Variants in DHX57 observed in about 807,000 individuals in gnomAD.
DHX57 encodes the protein putative ATP-dependent RNA helicase DHX57.
DHX57 carries 105 observed loss-of-function variants against 156.2 expected under a neutral mutation model. The ratio of observed to expected loss-of-function variants is 0.67; its 90% CI spans 0.57 to 0.79. DHX57 has a LOEUF of 0.79. Among genes scored for constraint, DHX57 ranks in the 30% least tolerant of loss-of-function variants. DHX57 has a pLI of 0.00. For missense variants in DHX57, 1,847 were observed against 1,661.9 expected, an observed-to-expected ratio of 1.11 and a Z score of -1.94; for synonymous variants, 704 against 595.6, an observed-to-expected ratio of 1.18 and a Z score of -2.65.
At position 38,825,945 on chromosome 2, in the gene DHX57, G is replaced by A; in HGVS notation, c.2916C>T (p.Val972=). The A allele has an allele frequency of 1.2e-6, 2 of 1,614,188 alleles. No individual in the cohort carries two copies. The highest frequency in any genetic ancestry group is 1.7e-6 in the Non-Finnish European group (2 of 1,180,034). ...GATGGCTAGTGAATAAATGGAAGCA[G>A]ACCCCAGATGCAACACGGCCTGCTC... The part of the protein sequence containing the change: ...KGRAGRVASG[V]CFHLFTSHHY... Residue 972 remains valine, a synonymous_variant, in exon 16 of 24, where the codon GTC becomes GTT. Transcript: ENST00000457308.
chr2:38,831,473 A>C (rs1228604351), intron 13 of DHX57, among the ~76,000 whole-genome samples: 1 of 151,690 alleles, frequency 6.6e-6, no homozygotes, highest in Non-Finnish European at 1.5e-5. Context: ...GGGATTACAA[A>C]ATTTAGGTAA....
At chr2:38,866,447 T>C (rs1189270300) in intron 2 of DHX57, among the ~76,000 whole-genome samples, 2 of 152,122 alleles carry the variant, frequency 1.3e-5, no homozygotes, top group Non-Finnish European at 2.9e-5. Context: ...CTTCACGTGA[T>C]ACCTTATTAG....
intron 23 of DHX57, among the ~76,000 whole-genome samples, chr2:38,802,256 T>C (rs1314433174): frequency 6.6e-6 from 1 of 151,260 alleles, no homozygotes; most frequent in African/African-American, 2.4e-5. Context: ...AGCCTCACTC[T>C]TTCTTAGTGT....
intron 12 of DHX57, among the ~76,000 whole-genome samples, chr2:38,841,428 C>G (rs867782972): frequency 1.6e-4 from 24 of 152,290 alleles, no homozygotes; most frequent in Middle Eastern, 3.4e-3. Flanking sequence ...ATTCTCTTAG[C>G]TTTACATCTC....
intron 13 of DHX57, among the ~76,000 whole-genome samples, chr2:38,836,131 T>C (rs1038742256): frequency 6.6e-6 from 1 of 152,240 alleles, no homozygotes; most frequent in Non-Finnish European, 1.5e-5. Context: ...GACCATTCTA[T>C]GATAGAGCAC....
At chr2:38,852,842 G>C (rs1008092020) in intron 9 of DHX57, among the ~76,000 whole-genome samples, 2 of 151,926 alleles carry the variant, frequency 1.3e-5, no homozygotes, top group African/African-American at 4.8e-5. Context: ...AAATCCACAT[G>C]CTTTATTATT....
intron 20 of DHX57, among the ~76,000 whole-genome samples, chr2:38,815,283 T>C (rs757724798): frequency 6.6e-6 from 1 of 151,932 alleles, no homozygotes; most frequent in African/African-American, 2.4e-5. Context: ...CTGGCTGGTC[T>C]CGAACTCCTG....
intron 17 of DHX57, among the ~76,000 whole-genome samples, chr2:38,822,757 T>C (rs953199572): frequency 6.6e-6 from 1 of 152,170 alleles, no homozygotes; most frequent in African/African-American, 2.4e-5. Context: ...TGGATCTCTT[T>C]GAGGATTGGA....
Position 38,825,996 on chromosome 2 carries a change from T to A in DHX57, c.2865A>T (p.Gln955His). 3.1e-6 allele frequency: 5 copies of A among 1,614,216 alleles called. No homozygotes were observed. The highest frequency in any genetic ancestry group is 4.2e-6 in the Non-Finnish European group (5 of 1,180,036). The change falls in exon 16 of 24, where the codon CAA (glutamine) becomes CAT (histidine). Residue 955 changes from glutamine to histidine, a missense_variant. By Grantham distance (24) the Gln-to-His change is conservative. Transcript: ENST00000457308. The stretch of plus-strand genomic sequence containing the variant: ...GGCCTTTCCTTTGTAGAGCATTAGC[T>A]TGAGATACAAAGGTGTCCTCTAGAC... ...MESLEDTFVS[Q>H]ANALQRKGRA... is the part of the protein sequence containing the mutation.
chr2:38,808,904 A>T (rs946126461), intron 21 of DHX57, among the ~76,000 whole-genome samples: 3 of 151,946 alleles, frequency 2.0e-5, no homozygotes, highest in African/African-American at 7.3e-5. Context: ...GATTGTAGGT[A>T]TAAGCCACCT....
rs1452235354 is a variant in DHX57 at position 38,811,286 on chromosome 2, A to G, written c.3681+2535T>C. The G allele has an allele frequency of 2.1e-5, 11 of 518,542 alleles. No individual in the cohort carries two copies. The East Asian group carries it at 4.7e-4, about 22-fold the overall frequency. 32.1% of individuals were successfully genotyped at this position (518,542 alleles called of 1,614,324 possible). A position where few individuals can be genotyped will look rare whatever the true frequency, so the allele number is the denominator to read the frequency against. ...CTGGGGGGCCAGCGAGTAGCAGGCG[A>G]GCTCAAACCAGACCTGATCGTTCCC... On this transcript the variant is annotated intron_variant, in intron 21 of 23. Coordinates refer to ENST00000457308, the MANE Select transcript of DHX57 (RefSeq NM_198963.3).
chr2:38,817,176 C>A (rs1251441499), intron 19 of DHX57, among the ~76,000 whole-genome samples: 1 of 152,120 alleles, frequency 6.6e-6, no homozygotes, highest in Non-Finnish European at 1.5e-5. Flanking sequence ...AAAGGTTCTG[C>A]CTGCCTTGGC....
chr2:38,806,428 T>C (rs912584264), intron 22 of DHX57, 131 bp downstream of exon 22: 26 of 1,017,724 alleles, frequency 2.6e-5, no homozygotes, highest in Non-Finnish European at 3.3e-5. Context: ...TTTATTCTTA[T>C]TCAATCTTCC....
chr2:38,819,012 C>A (rs759157967), intron 18 of DHX57, 37 bp downstream of exon 18: 3 of 1,613,970 alleles, frequency 1.9e-6, no homozygotes, highest in African/African-American at 2.7e-5. Context: ...AGTGCCAACA[C>A]TGGTAATAAA....
intron 14 of DHX57, among the ~76,000 whole-genome samples, chr2:38,827,199 T>C (rs909402033): frequency 6.6e-6 from 1 of 151,954 alleles, no homozygotes; most frequent in Non-Finnish European, 1.5e-5. Flanking sequence ...AATATTTACT[T>C]AGTTCTAGGA....
chr2:38,839,672 G>C (rs1671875424), intron 12 of DHX57, among the ~76,000 whole-genome samples: 2 of 150,894 alleles, frequency 1.3e-5, no homozygotes, highest in African/African-American at 4.9e-5. Context: ...GGTAAGCTGA[G>C]ATCGCGCTAC....
At chr2:38,807,502 C>T (rs375134780) in intron 21 of DHX57, among the ~76,000 whole-genome samples, 35 of 151,742 alleles carry the variant, frequency 2.3e-4, no homozygotes, top group Admixed American at 7.2e-4. Context: ...GGACTACAGG[C>T]GCCCGCCGCC....
chr2:38,811,105 G>A (rs1354279728), intron 21 of DHX57: 5 of 556,728 alleles, frequency 9.0e-6, no homozygotes, highest in African/African-American at 1.9e-5. Context: ...TTCCAGCCTC[G>A]TGGCTGATGT....
At chr2:38,819,010 C>T in intron 18 of DHX57, 39 bp downstream of exon 18, 1 of 1,614,056 alleles carries the variant, frequency 6.2e-7, no homozygotes, top group South Asian at 1.1e-5. Flanking sequence ...TCAGTGCCAA[C>T]ACTGGTAATA....
Sources: gnomAD v4.1 joint callset for allele counts (sites outside exome capture counted in the v4.1 genomes callset) on GRCh38, gnomAD v4.1.1 for gene constraint, MANE v1.5 for transcripts, NCBI Gene and HGNC (gene_info 2026-07-23, HGNC 2026-07-21) for gene names.